Variants in PCDHA5 observed in about 807,000 individuals in gnomAD.
PCDHA5 encodes the protein protocadherin alpha-5.
Under a neutral mutation model 61.6 loss-of-function variants are expected in PCDHA5, and 43 were observed. The ratio of observed to expected loss-of-function variants is 0.70; its 90% confidence interval spans 0.55 to 0.90. The LOEUF is 0.90. PCDHA5 is among the 40% of genes least tolerant of loss of function. PCDHA5 has a pLI of 0.00. For missense variants in PCDHA5, 1,298 were observed against 1,222.7 expected, an observed-to-expected ratio of 1.06 and a Z score of -0.92; for synonymous variants, 627 against 543.9, an observed-to-expected ratio of 1.15 and a Z score of -2.13.
At chr5:140,915,535 A>G (rs1482564103) in intron 1 of PCDHA5, among the ~76,000 whole-genome samples, 1 of 152,002 alleles carries the variant, frequency 6.6e-6, no homozygotes, top group African/African-American at 2.4e-5. Context: ...ACCATCTTGG[A>G]GGTCTTGAAT....
intron 1 of PCDHA5, chr5:140,843,065 C>T (rs1554139692): frequency 6.3e-7 from 1 of 1,595,232 alleles, no homozygotes; most frequent in Non-Finnish European, 8.6e-7. Flanking sequence ...CAAGCTGGTG[C>T]CGCGGTCTGT....
chr5:140,822,508 AT>A lies in PCDHA5; in HGVS notation c.736del (p.Tyr246IlefsTer14). On this transcript the variant is annotated frameshift_variant, in exon 1 of 4. Transcript: ENST00000529859. LOFTEE classifies it high-confidence loss of function. Reference protein sequence around the residue: ...NDNAPEFDKSIYNVRLLENAP... With the variant: ...NDNAPEFDKSXYNVRLLENAP... ...TAACGCCCCAGAATTTGATAAATCC[AT>A]TTATAATGTCAGATTGTTGGAAAAT... 6.2e-7 allele frequency: 1 copy of A among 1,613,962 alleles called. No individual in the cohort carries two copies. The highest frequency in any genetic ancestry group is 8.5e-7 in the Non-Finnish European group (1 of 1,180,008).
intron 1 of PCDHA5, chr5:140,883,283 G>A (rs782514861): frequency 1.2e-6 from 2 of 1,614,034 alleles, no homozygotes; most frequent in Admixed American, 3.3e-5. Context: ...CCTTTTGGTG[G>A]AAGTACTAGA....
At chr5:140,846,148 T>A (rs1780222185) in intron 1 of PCDHA5, among the ~76,000 whole-genome samples, 1 of 149,706 alleles carries the variant, frequency 6.7e-6, no homozygotes, top group South Asian at 2.1e-4. Flanking sequence ...TATTTAAAAG[T>A]TGCCTGAGAT....
intron 1 of PCDHA5, chr5:140,859,925 A>T (rs1359267858): frequency 1.3e-5 from 2 of 152,068 alleles, no homozygotes; most frequent in African/African-American, 4.8e-5. Context: ...TAAGTAATAT[A>T]AAAAACTTAG....
chr5:141,011,182 G>T lies in PCDHA5; in HGVS notation c.*1245G>T, dbSNP rs887034679. On this transcript the variant is annotated 3_prime_UTR_variant, in exon 4 of 4. Coordinates refer to ENST00000529859, the MANE Select transcript of PCDHA5 (RefSeq NM_018908.3). ...TATATATCAAGACCCAAAAATTGAA[G>T]AAAAATATTGTTTTCTCATACAGTG... 1.3e-5 allele frequency: 2 copies of T among 153,494 alleles called. No individual in the cohort carries two copies. Among genetic ancestry groups the T allele is most frequent in the Admixed American group, 6.6e-5 (1 of 15,254 alleles). The allele number at this position is 153,494 out of a possible 1,614,324, so 9.5% of individuals were successfully genotyped here.
chr5:140,877,888 C>T (rs1554170207), intron 1 of PCDHA5: 3 of 1,458,570 alleles, frequency 2.1e-6, no homozygotes, highest in South Asian at 1.5e-5. Flanking sequence ...GAAGAACTTC[C>T]GTTTAGGTTA....
At chr5:140,841,446 G>A (rs2150180701) in intron 1 of PCDHA5, 1 of 1,612,928 alleles carries the variant, frequency 6.2e-7, no homozygotes, top group Non-Finnish European at 8.5e-7. Context: ...GCCAAACACG[G>A]CACCTTCGTG....
chr5:140,851,376 G>A, intron 1 of PCDHA5: 1 of 976,392 alleles, frequency 1.0e-6, no homozygotes, highest in Non-Finnish European at 1.2e-6. Flanking sequence ...TGATTGTTCA[G>A]CAACCTTCAG....
At chr5:140,863,360 G>T in intron 1 of PCDHA5, 1 of 1,206,130 alleles carries the variant, frequency 8.3e-7, no homozygotes, top group Non-Finnish European at 1.2e-6. Context: ...ACGCTGCGGT[G>T]CTTGGCGCAG....
At position 140,955,726 on chromosome 5, in the gene PCDHA5, C is replaced by A. The variant is rs934215613; in HGVS notation, c.2353-23223C>A. Among the ~76,000 whole-genome samples the A allele has an allele frequency of 8.5e-5, 13 of 152,264 alleles. No individual in the cohort carries two copies. In the South Asian group the frequency reaches 2.5e-3, roughly 29 times the overall value. Reference sequence around the variant, plus strand: ...AAGTTTAATAGGAATACCATTGAATCTATAAATTACTTTGAGCATTATTGC... The same window carrying A: ...AAGTTTAATAGGAATACCATTGAATATATAAATTACTTTGAGCATTATTGC... On this transcript the variant is annotated intron_variant, in intron 1 of 3. Coordinates refer to ENST00000529859, the MANE Select transcript of PCDHA5 (RefSeq NM_018908.3).
At chr5:140,875,056 G>C (rs1554167464) in intron 1 of PCDHA5, among the ~76,000 whole-genome samples, 1 of 152,176 alleles carries the variant, frequency 6.6e-6, no homozygotes, top group Non-Finnish European at 1.5e-5. Context: ...CTTTGAAGCA[G>C]AAAACATTTT....
intron 1 of PCDHA5, chr5:140,828,229 C>T (rs2150152666): frequency 1.2e-6 from 2 of 1,613,968 alleles, no homozygotes; most frequent in Non-Finnish European, 1.7e-6. Flanking sequence ...CCTTCGTGGG[C>T]CGGATCGCGC....
In PCDHA5 at chr5:140,851,743, G is replaced by A. The variant is rs1045115703; in HGVS notation, c.2352+27616G>A. ...ACTTCGAGTTCTTTTGAAATTCAGA[G>A]TCTGTAACTTAAAACATTACCCTTA... On this transcript the variant is annotated intron_variant, in intron 1 of 3. Transcript: ENST00000529859. 3 of 972,104 alleles carry A rather than the reference G, an allele frequency of 3.1e-6. 1 individual carries two copies. The highest frequency in any genetic ancestry group is 3.7e-6 in the Non-Finnish European group (3 of 804,720). 60.2% of individuals were successfully genotyped at this position (972,104 alleles called of 1,614,324 possible).
intron 1 of PCDHA5, chr5:140,927,089 T>G: frequency 6.2e-7 from 1 of 1,612,460 alleles, no homozygotes; most frequent in Non-Finnish European, 8.5e-7. Flanking sequence ...GAGCTCTACT[T>G]CGGGGTGGAT....
chr5:140,987,462 A>C (rs2097255249), intron 3 of PCDHA5, among the ~76,000 whole-genome samples: 1 of 152,154 alleles, frequency 6.6e-6, no homozygotes, highest in African/African-American at 2.4e-5. Flanking sequence ...AATTGTTAAG[A>C]GCTCAAGCTT....
chr5:140,968,176 G>A, intron 1 of PCDHA5: 1 of 1,614,062 alleles, frequency 6.2e-7, no homozygotes, highest in Non-Finnish European at 8.5e-7. Flanking sequence ...CAAGCTTCCT[G>A]GAGGACTCCT....
At chr5:140,967,780 T>C in intron 1 of PCDHA5, 1 of 1,614,214 alleles carries the variant, frequency 6.2e-7, no homozygotes, top group Non-Finnish European at 8.5e-7. Context: ...TGCAGGCGAC[T>C]GACCGGGGTC....
chr5:140,837,159 G>C (rs2150273625), intron 1 of PCDHA5: 152,415 of 152,748 alleles, frequency 1, 76,046 homozygotes, highest in East Asian at 1. Flanking sequence ...ATAAAATATA[G>C]CTGTGTCAAA....
Sources: allele counts gnomAD v4.1 joint callset (sites outside exome capture counted in the v4.1 genomes callset), GRCh38; gene constraint gnomAD v4.1.1; transcripts MANE v1.5; gene names NCBI Gene and HGNC (gene_info 2026-07-23, HGNC 2026-07-21).